DIAPH1: variants seen among roughly 807,000 people sequenced by gnomAD.
DIAPH1 encodes the protein protein diaphanous homolog 1.
A neutral mutation model predicts 140.7 loss-of-function variants in DIAPH1; 46 were observed. That is an observed-to-expected ratio of 0.33 (90% CI 0.26 to 0.42). The LOEUF is 0.42. Ranked by LOEUF, DIAPH1 falls within the 10% of genes least tolerant of loss-of-function variation. The probability of loss-of-function intolerance (pLI) is 1.00; values close to 1 mark genes in which losing one functional copy is unlikely to be tolerated. For synonymous variants in DIAPH1, 565 were observed against 551.6 expected, an observed-to-expected ratio of 1.02 and a Z score of -0.34; for missense variants, 1,310 against 1,558.7, an observed-to-expected ratio of 0.84 and a Z score of 2.69.
intron 26 of DIAPH1, chr5:141,524,500 A>C (rs1427152299): frequency 2.0e-6 from 1 of 494,720 alleles, no homozygotes; most frequent in Non-Finnish European, 3.7e-6. Context: ...TCCCCACCCC[A>C]ATCAGGACTA....
intron 18 of DIAPH1, among the ~76,000 whole-genome samples, chr5:141,545,895 G>C (rs955654217): frequency 2.0e-5 from 3 of 152,094 alleles, no homozygotes; most frequent in Middle Eastern, 3.4e-3. Context: ...GCTGACTCCT[G>C]GTCTAACCAA....
rs372857916 is a variant in DIAPH1, at chr5:141,524,607, A to C, written c.3575-378T>G. On this transcript the variant is annotated intron_variant, in intron 26 of 27. Coordinates refer to ENST00000389054, the MANE Select transcript of DIAPH1 (RefSeq NM_005219.5). Reference sequence around the variant, plus strand: ...CAACTATATCACTCCCTTTTATCCTAAAGTGTTTTGCCTGGTTAGGTTTCA... The same window carrying C: ...CAACTATATCACTCCCTTTTATCCTCAAGTGTTTTGCCTGGTTAGGTTTCA... 1.9e-4 allele frequency: 64 copies of C among 338,724 alleles called. No individual in the cohort carries two copies. The East Asian group carries it at 3.0e-3, about 16-fold the overall frequency. 21.0% of individuals were successfully genotyped at this position (338,724 alleles called of 1,614,324 possible). A position where few individuals can be genotyped will look rare whatever the true frequency, so the allele number is the denominator to read the frequency against.
chr5:141,612,689 G>A (rs1485610474), intron 1 of DIAPH1, among the ~76,000 whole-genome samples: 1 of 152,172 alleles, frequency 6.6e-6, no homozygotes, highest in African/African-American at 2.4e-5. Context: ...AAACTTGAAG[G>A]TGACTGCTAT....
rs1480305031 is a variant in DIAPH1, at chr5:141,526,393, G to A, written c.3342C>T (p.Leu1114=). 3 of 1,614,014 alleles carry A rather than the reference G, an allele frequency of 1.9e-6. No individual in the cohort carries two copies. The highest frequency in any genetic ancestry group is 1.3e-5 in the African/African-American group (1 of 74,900). ...GGAAGTACTCGCCCAGCTCCTTATA[G>A]AGGGTCTCCATGTTAGAATGCATCA... is the stretch of plus-strand genomic sequence containing the variant. The part of the protein sequence containing the change: ...LRMMHSNMET[L]YKELGEYFLF... The change falls in exon 25 of 28, where the codon CTC becomes CTT. Residue 1114 remains leucine (L), a synonymous_variant. Transcript: ENST00000389054.
intron 18 of DIAPH1, among the ~76,000 whole-genome samples, chr5:141,537,483 CAAAAAAAAAAAAA>C (rs34323841): frequency 2.7e-5 from 1 of 36,950 alleles, no homozygotes; most frequent in Non-Finnish European, 4.4e-5. Context: ...AACTCCGTCT[CAAAAAAAAAAAAA>C]AAAAAAAAAA....
At chr5:141,569,739 C>T (rs548109306) in intron 18 of DIAPH1, among the ~76,000 whole-genome samples, 2 of 151,348 alleles carry the variant, frequency 1.3e-5, no homozygotes, top group South Asian at 2.1e-4. Flanking sequence ...CCAGCCTGGG[C>T]GACAGAGCAA....
rs878953070 is a variant in DIAPH1 at position 141,582,181 on chromosome 5, C to T, written c.684+131G>A. 5.0e-6 allele frequency: 3 copies of T among 597,900 alleles called. 1 individual carries two copies. The highest frequency in any genetic ancestry group is 2.8e-4 in the Middle Eastern group (1 of 3,582). 37.0% of individuals were successfully genotyped at this position (597,900 alleles called of 1,614,324 possible). On this transcript the variant is annotated intron_variant, in intron 7 of 27. Coordinates refer to ENST00000389054, the MANE Select transcript of DIAPH1 (RefSeq NM_005219.5). ...AGCATGTATATGTGGCAATGAAAAA[C>T]AGTTATGATACTAAAAGAGAAAGCT... is the stretch of plus-strand genomic sequence containing the variant.
chr5:141,603,023 G>C (rs1343537461), intron 1 of DIAPH1, among the ~76,000 whole-genome samples: 1 of 152,174 alleles, frequency 6.6e-6, no homozygotes, highest in African/African-American at 2.4e-5. Context: ...AGGAAAGGAA[G>C]TCTAGAAGAG....
chr5:141,552,949 C>T (rs2099891964), intron 18 of DIAPH1, among the ~76,000 whole-genome samples: 1 of 152,210 alleles, frequency 6.6e-6, no homozygotes, highest in Non-Finnish European at 1.5e-5. Flanking sequence ...GTCTGTGGCA[C>T]TCTCTTACGG....
At chr5:141,545,227 T>C (rs1209023036) in intron 18 of DIAPH1, among the ~76,000 whole-genome samples, 1 of 152,224 alleles carries the variant, frequency 6.6e-6, no homozygotes, top group Non-Finnish European at 1.5e-5. Flanking sequence ...CGTATACATT[T>C]GTCAGCCATA....
chr5:141,520,133 A>AT (rs2099886289), intron 27 of DIAPH1, among the ~76,000 whole-genome samples: 1 of 152,236 alleles, frequency 6.6e-6, no homozygotes, highest in South Asian at 2.1e-4. Flanking sequence ...TTGTTAATAC[A>AT]TTAAGCTTCC....
intron 1 of DIAPH1, 115 bp downstream of exon 1, chr5:141,618,683 G>A (rs1241853253): frequency 7.4e-6 from 5 of 677,020 alleles, no homozygotes; most frequent in Non-Finnish European, 1.3e-5. Flanking sequence ...GCGAAACGAG[G>A]AAGGAAGGCG....
chr5:141,549,954 A>T (rs75193554), intron 18 of DIAPH1, among the ~76,000 whole-genome samples: 1,614 of 152,270 alleles, frequency 0.011, 38 homozygotes, highest in African/African-American at 0.037. Context: ...GGATTAAAAA[A>T]CAAGAGTCCA....
rs1222329449 is a variant in DIAPH1 at position 141,515,560 on chromosome 5, TTC to T, written c.*1289_*1290del. On this transcript the variant is annotated 3_prime_UTR_variant, in exon 28 of 28. Coordinates refer to ENST00000389054, the MANE Select transcript of DIAPH1 (RefSeq NM_005219.5). ...CAAACAGTTCAGTGTGCCCACCCAC[TTC>T]TCTTTTAGAAGAGAGCTGGGGTACA... 3 of 152,292 alleles carry T rather than the reference TTC, an allele frequency of 2.0e-5. No homozygotes were observed. Among genetic ancestry groups the T allele is most frequent in the African/African-American group, 7.2e-5 (3 of 41,478 alleles). 9.4% of individuals were successfully genotyped at this position (152,292 alleles called of 1,614,324 possible). A position where few individuals can be genotyped will look rare whatever the true frequency, so the allele number is the denominator to read the frequency against.
chr5:141,524,182 A>T lies in DIAPH1; in HGVS notation c.3622T>A (p.Ser1208Thr). The change falls in exon 27 of 28, where the codon TCA becomes ACA. Residue 1208 changes from serine to threonine, a missense_variant. Physicochemically the swap from Ser to Thr is moderately conservative, Grantham distance 58. Transcript: ENST00000389054. ...VMDSLLEALQ[S>T]GAAFRRKRGP... ...CTCTTCCGTCGGAATGCTGCCCCTG[A>T]CTGCAGGGCTTCTAGAAGACTGTCC... 1 of 1,614,106 alleles carries T rather than the reference A, an allele frequency of 6.2e-7. No homozygotes were observed. The highest frequency in any genetic ancestry group is 8.5e-7 in the Non-Finnish European group (1 of 1,180,006).
At chr5:141,541,707 AAAAG>A (rs1434718340) in intron 18 of DIAPH1, among the ~76,000 whole-genome samples, 2 of 151,608 alleles carry the variant, frequency 1.3e-5, no homozygotes, top group Admixed American at 1.3e-4. Flanking sequence ...AAAAGAAAGA[AAAAG>A]AAGAAAGAAA....
intron 27 of DIAPH1, chr5:141,518,688 A>G: frequency 4.0e-6 from 2 of 505,360 alleles, no homozygotes; most frequent in Middle Eastern, 5.4e-4. Flanking sequence ...ATATCTGGCT[A>G]TTTTTGTATT....
At chr5:141,538,287 C>A (rs1217252273) in intron 18 of DIAPH1, among the ~76,000 whole-genome samples, 1 of 152,012 alleles carries the variant, frequency 6.6e-6, no homozygotes, top group Non-Finnish European at 1.5e-5. Context: ...GTATCAATCT[C>A]CTGACCTCGT....
intron 18 of DIAPH1, among the ~76,000 whole-genome samples, chr5:141,541,915 T>C (rs1308445849): frequency 6.6e-6 from 1 of 152,114 alleles, no homozygotes; most frequent in Non-Finnish European, 1.5e-5. Flanking sequence ...GAAAGATACA[T>C]GATGTTCATA....
Sources: allele counts gnomAD v4.1 joint callset (sites outside exome capture counted in the v4.1 genomes callset), GRCh38; gene constraint gnomAD v4.1.1; transcripts MANE v1.5; gene names NCBI Gene and HGNC (gene_info 2026-07-23, HGNC 2026-07-21).